Variants in SPATA21 observed in about 807,000 individuals in gnomAD.
SPATA21 encodes the protein spermatogenesis-associated protein 21.
Under a neutral mutation model 54.8 loss-of-function variants are expected in SPATA21, and 47 were observed. The observed-to-expected ratio is 0.86, with a 90% CI of 0.68 to 1.09. The LOEUF is 1.09. Among genes scored for constraint, SPATA21 ranks in the 50% least tolerant of loss-of-function variants. SPATA21 has a pLI of 0.00. For synonymous variants in SPATA21, 245 were observed against 235.3 expected, an observed-to-expected ratio of 1.04 and a Z score of -0.38; for missense variants, 599 against 596.4, an observed-to-expected ratio of 1.00 and a Z score of -0.05.
At position 16,428,717 on chromosome 1, in the gene SPATA21, A is replaced by G. The variant is rs937726328; in HGVS notation, c.34+2621T>C. Among the ~76,000 whole-genome samples, 3 of 152,040 alleles carry G rather than the reference A, an allele frequency of 2.0e-5. No homozygotes were observed. The highest frequency in any genetic ancestry group is 7.2e-5 in the African/African-American group (3 of 41,394). On this transcript the variant is annotated intron_variant, in intron 3 of 12. Coordinates refer to ENST00000335496, the MANE Select transcript of SPATA21 (RefSeq NM_198546.1). This position sits in a 1 kb window ranked among gnomAD's most constrained non-coding sequence, Gnocchi z 4.3. ...CACTATCATGGTCTGTCACTCTCCA[A>G]CTGGGTGACCTGGAGCCAGTGACTG... is the stretch of plus-strand genomic sequence containing the variant.
In SPATA21 at chr1:16,421,329, A is replaced by G. The variant is rs1241735546; in HGVS notation, c.144+180T>C. Among the ~76,000 whole-genome samples the G allele has an allele frequency of 2.0e-5, 3 of 151,838 alleles. No individual in the cohort carries two copies. Among genetic ancestry groups the G allele is most frequent in the Non-Finnish European group, 4.4e-5 (3 of 67,938 alleles). Reference sequence around the variant, plus strand: ...CACATGCATACACACAGGCACAGGCACACACACACACGTGTGCACATCCAT... The same window carrying G: ...CACATGCATACACACAGGCACAGGCGCACACACACACGTGTGCACATCCAT... On this transcript the variant is annotated intron_variant, in intron 5 of 12. Transcript: ENST00000335496. This position sits in a 1 kb window ranked among gnomAD's most constrained non-coding sequence, Gnocchi z 5.2.
rs781638663 is a variant in SPATA21 at position 16,409,665 on chromosome 1, C to T, written c.523G>A (p.Gly175Ser). The T allele has an allele frequency of 2.5e-5, 41 of 1,613,274 alleles. No homozygotes were observed. The East Asian group carries it at 9.1e-4, about 36-fold the overall frequency. Reference sequence around the variant, plus strand: ...TGCAAGAGTTCCATCCTTCTCCAGCCCAGGTCCAGGGCAGGGCCCAGCAGG... The same window carrying T: ...TGCAAGAGTTCCATCCTTCTCCAGCTCAGGTCCAGGGCAGGGCCCAGCAGG... ...PVLLGPALDLGWRRMELLHQS... is the reference protein window; with the variant it reads ...PVLLGPALDLSWRRMELLHQS... The change falls in exon 6 of 13, where the codon GGC becomes AGC. Residue 175 changes from glycine to serine, a missense_variant. By Grantham distance (56) the Gly-to-Ser change is moderately conservative. Transcript: ENST00000335496. The surrounding 1 kb of genome is among the most constrained non-coding windows in gnomAD (Gnocchi z 4.1).
At chr1:16,402,468 A>G (rs963472230) in intron 10 of SPATA21, among the ~76,000 whole-genome samples, 10 of 151,256 alleles carry the variant, frequency 6.6e-5, no homozygotes, top group Non-Finnish European at 1.5e-4. Context: ...TCACCATGTT[A>G]GCCAGGATGC....
chr1:16,426,107 C>T (rs910134337), intron 3 of SPATA21, among the ~76,000 whole-genome samples: 1 of 151,912 alleles, frequency 6.6e-6, no homozygotes, highest in African/African-American at 2.4e-5. Context: ...AAACAAAAAT[C>T]AGAACTGGGA....
At chr1:16,418,632 A>C (rs924636732) in intron 5 of SPATA21, among the ~76,000 whole-genome samples, 2 of 148,980 alleles carry the variant, frequency 1.3e-5, no homozygotes, top group South Asian at 4.2e-4. Context: ...CAGTGCCGCT[A>C]TCTTGGCTCA....
Position 16,409,346 on chromosome 1 carries a change from A to G in SPATA21, c.588-143T>C. ...GGAGAGATCAAGAATGGCAGGAAAA[A>G]GGAGATCCAGAGGAGAAGTGGGACA... On this transcript the variant is annotated intron_variant, in intron 6 of 12. Coordinates refer to ENST00000335496, the MANE Select transcript of SPATA21 (RefSeq NM_198546.1). The surrounding 1 kb of genome is among the most constrained non-coding windows in gnomAD (Gnocchi z 4.1). 1 of 934,778 alleles carries G rather than the reference A, an allele frequency of 1.1e-6. No homozygotes were observed. The allele number at this position is 934,778 out of a possible 1,614,324, so 57.9% of individuals were successfully genotyped here. A position where few individuals can be genotyped will look rare whatever the true frequency, so the allele number is the denominator to read the frequency against.
chr1:16,399,673 T>G, intron 11 of SPATA21, 152 bp from the exon 12 acceptor site: 2 of 862,120 alleles, frequency 2.3e-6, no homozygotes, highest in Non-Finnish European at 3.5e-6. Context: ...GAGCTGGAGG[T>G]GATAGTGGTA....
chr1:16,423,540 T>A (rs1029039031), intron 3 of SPATA21, among the ~76,000 whole-genome samples: 1 of 75,712 alleles, frequency 1.3e-5, no homozygotes, highest in South Asian at 3.7e-4. Context: ...CTCTCTCTCC[T>A]TTTTTTTTTT....
intron 5 of SPATA21, among the ~76,000 whole-genome samples, chr1:16,419,523 G>C (rs2100853828): frequency 6.6e-6 from 1 of 152,332 alleles, no homozygotes; most frequent in African/African-American, 2.4e-5. Context: ...TGAGCCCCTT[G>C]GGTGAGAAAG....
chr1:16,425,984 A>G (rs915766426), intron 3 of SPATA21, among the ~76,000 whole-genome samples: 1 of 152,098 alleles, frequency 6.6e-6, no homozygotes, highest in African/African-American at 2.4e-5. Flanking sequence ...CCTGGGCTCA[A>G]GCAATCTTCG....
chr1:16,396,214 A>C (rs1453370772), downstream of SPATA21: 1 of 152,406 alleles, frequency 6.6e-6, no homozygotes, highest in Non-Finnish European at 1.5e-5. Context: ...CAGAAGGTGG[A>C]TAGGTCTTCC....
chr1:16,431,754 C>G (rs1331959143), intron 2 of SPATA21, among the ~76,000 whole-genome samples: 1 of 152,174 alleles, frequency 6.6e-6, no homozygotes, highest in Non-Finnish European at 1.5e-5. Context: ...GGCGACATTT[C>G]CTACAGGGTA....
At chr1:16,437,040 A>C (rs1296766077) in intron 1 of SPATA21, 88 bp downstream of exon 1, 2 of 152,224 alleles carry the variant, frequency 1.3e-5, no homozygotes. Flanking sequence ...AATACAGCAG[A>C]TAAAGATAAG....
At chr1:16,404,876 T>C in intron 8 of SPATA21, 91 bp downstream of exon 8, 1 of 1,370,254 alleles carries the variant, frequency 7.3e-7, no homozygotes, top group Non-Finnish European at 9.6e-7. Flanking sequence ...CACAGGATCC[T>C]TTAGGTGCAG....
rs1034878106 is a variant in SPATA21, at chr1:16,431,166, G to A, written c.34+172C>T. 2.7e-5 allele frequency: 39 copies of A among 1,455,848 alleles called. No homozygotes were observed. The African/African-American group carries it at 4.7e-4, about 17-fold the overall frequency. 90.2% of individuals were successfully genotyped at this position (1,455,848 alleles called of 1,614,324 possible). A position where few individuals can be genotyped will look rare whatever the true frequency, so the allele number is the denominator to read the frequency against. On this transcript the variant is annotated intron_variant, in intron 3 of 12. Coordinates refer to ENST00000335496, the MANE Select transcript of SPATA21 (RefSeq NM_198546.1). ...ACAGAGTCTTAATTAAAGCAGCTGGGGAGGAAGCCTGGGCAGGGGAAGGGA... is the reference window on the plus strand; with the variant it reads ...ACAGAGTCTTAATTAAAGCAGCTGGAGAGGAAGCCTGGGCAGGGGAAGGGA...
At chr1:16,396,773 T>C (rs7529767), downstream of SPATA21, 23,319 of 152,350 alleles carry the variant, frequency 0.15, 2,256 homozygotes, top group African/African-American at 0.27. Context: ...CCAGGCCCAG[T>C]AAGCCATGCC....
At position 16,404,000 on chromosome 1, in the gene SPATA21, A is replaced by T. The variant is rs745722309; in HGVS notation, c.851T>A (p.Met284Lys). 25 of 1,563,634 alleles carry T rather than the reference A, an allele frequency of 1.6e-5. No individual in the cohort carries two copies. The South Asian group carries it at 2.3e-4, about 15-fold the overall frequency. ...GCAGAAGAAGCGCCTGGTGTCTGTC[A>T]TCACAGCCAAGAAGTCTTTGAAGTC... ...RVDFKDFLAV[M>K]TDTRRFFCSV... The change falls in exon 9 of 13, where the codon ATG (methionine) becomes AAG (lysine). Residue 284 changes from methionine (M) to lysine (K), a missense_variant. Coordinates refer to ENST00000335496, the MANE Select transcript of SPATA21 (RefSeq NM_198546.1).
Position 16,409,254 on chromosome 1 carries a change from C to G in SPATA21, c.588-51G>C, listed in dbSNP as rs1224047692. 7 of 1,602,234 alleles carry G rather than the reference C, an allele frequency of 4.4e-6. No individual in the cohort carries two copies. The East Asian group carries it at 1.6e-4, about 36-fold the overall frequency. On this transcript the variant is annotated intron_variant, in intron 6 of 12. Coordinates refer to ENST00000335496, the MANE Select transcript of SPATA21 (RefSeq NM_198546.1). The surrounding 1 kb of genome is among the most constrained non-coding windows in gnomAD (Gnocchi z 4.1). ...GGGCAACATCCGGCCGCCCACCCTG[C>G]TGATAGCTAGGGGAGGGGTTGGGGG...
intron 1 of SPATA21, 72 bp from the exon 2 acceptor site, chr1:16,432,996 G>A (rs1365128732): frequency 6.6e-6 from 1 of 152,200 alleles, no homozygotes; most frequent in African/African-American, 2.4e-5. Context: ...GTCTGCAGAG[G>A]AACTGGATTC....
Sources: gnomAD v4.1 joint callset for allele counts (sites outside exome capture counted in the v4.1 genomes callset) on GRCh38, gnomAD v4.1.1 for gene constraint, Gnocchi (gnomAD v3.1) non-coding constraint, MANE v1.5 for transcripts, NCBI Gene and HGNC (gene_info 2026-07-23, HGNC 2026-07-21) for gene names.